The following TRAPPC9 variants were observed in gnomAD, a reference collection of about 807,000 sequenced individuals.
TRAPPC9 encodes IKK2 binding protein.
TRAPPC9 carries 83 observed loss-of-function variants against 124.0 expected under a neutral mutation model. The ratio of observed to expected loss-of-function variants is 0.67; its 90% CI spans 0.56 to 0.80. The LOEUF is 0.80. Among genes scored for constraint, TRAPPC9 ranks in the 30% least tolerant of loss-of-function variants. The pLI is 0.00. For missense variants in TRAPPC9, 1,302 were observed against 1,508.3 expected (o/e 0.86, Z 2.27); for synonymous variants, 638 against 617.5 (o/e 1.03, Z -0.49).
intron 17 of TRAPPC9, among the ~76,000 whole-genome samples, chr8:140,044,495 G>T (rs1363124353): frequency 6.6e-6 from 1 of 152,168 alleles, no homozygotes; most frequent in Non-Finnish European, 1.5e-5. Flanking sequence ...CATGCTAACA[G>T]ACAGCCATGA....
intron 17 of TRAPPC9, among the ~76,000 whole-genome samples, chr8:140,033,668 T>TTTTTTTTTTG (rs1840664467): frequency 4.2e-5 from 3 of 71,156 alleles, no homozygotes; most frequent in Non-Finnish European, 7.3e-5. Context: ...GTTTTTTTTT[T>TTTTTTTTTTG]TTTTTTTTTT....
chr8:140,281,837 G>A (rs1186466645), intron 14 of TRAPPC9, among the ~76,000 whole-genome samples: 4 of 152,012 alleles, frequency 2.6e-5, no homozygotes, highest in African/African-American at 4.8e-5. Context: ...GTTGAAGACC[G>A]CCCTGCCTGC....
At chr8:139,952,964 G>A (rs1834738187) in intron 19 of TRAPPC9, among the ~76,000 whole-genome samples, 1 of 152,212 alleles carries the variant, frequency 6.6e-6, no homozygotes, top group Non-Finnish European at 1.5e-5. Flanking sequence ...AGCAGAGCTG[G>A]ACTTGAATCC....
At chr8:140,292,527 TC>T (rs1437323315) in intron 11 of TRAPPC9, among the ~76,000 whole-genome samples, 4 of 152,324 alleles carry the variant, frequency 2.6e-5, no homozygotes, top group African/African-American at 4.8e-5. Flanking sequence ...ATACAGCTTT[TC>T]CCACACACTC....
At chr8:140,262,427 T>TAAGATCAGCTTATTTTGTCTC (rs2064450728) in intron 15 of TRAPPC9, among the ~76,000 whole-genome samples, 1 of 150,952 alleles carries the variant, frequency 6.6e-6, no homozygotes, top group African/African-American at 2.5e-5. Flanking sequence ...CACTTTGTCT[T>TAAGATCAGCTTATTTTGTCTC]AAGATCAGCT....
chr8:139,932,047 G>C (rs1012054025), intron 19 of TRAPPC9: 1 of 280,562 alleles, frequency 3.6e-6, no homozygotes, highest in African/African-American at 2.2e-5. Context: ...AGCATTACAA[G>C]AGCACCTAAG....
At chr8:139,846,957 G>T (rs75588865) in intron 21 of TRAPPC9, among the ~76,000 whole-genome samples, 2,283 of 152,346 alleles carry the variant, frequency 0.015, 54 homozygotes, top group African/African-American at 0.052. Context: ...AAGCTATCTG[G>T]TCCAGTCAAT....
intron 17 of TRAPPC9, among the ~76,000 whole-genome samples, chr8:140,213,857 T>C (rs2063125321): frequency 1.3e-5 from 2 of 152,316 alleles, no homozygotes; most frequent in African/African-American, 4.8e-5. Flanking sequence ...TACAGAGCAG[T>C]ATTGCACATG....
Position 140,157,699 on chromosome 8 carries a change from A to G in TRAPPC9, c.2556+63760T>C, listed in dbSNP as rs184055458. On this transcript the variant is annotated intron_variant, in intron 17 of 22. Transcript: ENST00000438773. The stretch of plus-strand genomic sequence containing the variant: ...AAATTCAGTAATCTTTCTTTAAAAA[A>G]AAAAAGGAGGGGGTTCTTTTTCTAA... Among the ~76,000 whole-genome samples, 46 of 152,364 alleles carry G rather than the reference A, an allele frequency of 3.0e-4. No individual in the cohort carries two copies. The East Asian group carries it at 8.9e-3, about 29-fold the overall frequency.
At chr8:139,991,675 T>C (rs1375231571) in intron 18 of TRAPPC9, among the ~76,000 whole-genome samples, 1 of 151,922 alleles carries the variant, frequency 6.6e-6, no homozygotes, top group Non-Finnish European at 1.5e-5. Context: ...GGCGAGTCTC[T>C]GAAGGGGACA....
intron 8 of TRAPPC9, among the ~76,000 whole-genome samples, chr8:140,368,152 G>A (rs1004939501): frequency 4.6e-5 from 7 of 151,654 alleles, no homozygotes; most frequent in Admixed American, 6.6e-5. Context: ...CATACTGTTG[G>A]TGGAGTTCAT....
chr8:140,396,014 T>C (rs1007395122), intron 7 of TRAPPC9, among the ~76,000 whole-genome samples: 5 of 152,144 alleles, frequency 3.3e-5, no homozygotes, highest in Admixed American at 3.3e-4. Context: ...CCCCAGTCCT[T>C]TGGGGAAGCT....
At chr8:140,405,256 C>A (rs980597390) in intron 6 of TRAPPC9, 4 of 259,070 alleles carry the variant, frequency 1.5e-5, no homozygotes, top group Non-Finnish European at 3.0e-5. Flanking sequence ...TAAGTATGCT[C>A]CATTTCTTAA....
At chr8:140,118,798 C>T (rs553194634) in intron 17 of TRAPPC9, among the ~76,000 whole-genome samples, 4 of 152,276 alleles carry the variant, frequency 2.6e-5, no homozygotes, top group Non-Finnish European at 5.9e-5. Context: ...AGCCACAGAG[C>T]AAGTGACAGC....
chr8:140,177,442 T>C (rs1048409812), intron 17 of TRAPPC9, among the ~76,000 whole-genome samples: 1 of 152,324 alleles, frequency 6.6e-6, no homozygotes, highest in Non-Finnish European at 1.5e-5. Flanking sequence ...CCAAAATCAA[T>C]TGACTATTTA....
chr8:140,271,842 C>T (rs1010701400), intron 15 of TRAPPC9, among the ~76,000 whole-genome samples: 6 of 152,158 alleles, frequency 3.9e-5, no homozygotes, highest in Non-Finnish European at 4.4e-5. Context: ...ATCTGATGCA[C>T]AAAACTTCAA....
At chr8:140,374,107 T>G (rs1033182497) in intron 7 of TRAPPC9, among the ~76,000 whole-genome samples, 1 of 152,238 alleles carries the variant, frequency 6.6e-6, no homozygotes, top group Non-Finnish European at 1.5e-5. Flanking sequence ...CACAAAGATA[T>G]CCTATGTTTT....
intron 21 of TRAPPC9, among the ~76,000 whole-genome samples, chr8:139,807,561 G>A (rs1177838314): frequency 6.6e-6 from 1 of 152,194 alleles, no homozygotes; most frequent in African/African-American, 2.4e-5. Context: ...GAACAGCACA[G>A]GAGCCGACAG....
At chr8:140,111,026 G>C (rs1170312772) in intron 17 of TRAPPC9, among the ~76,000 whole-genome samples, 1 of 143,286 alleles carries the variant, frequency 7.0e-6, no homozygotes, top group East Asian at 2.1e-4. Flanking sequence ...CTACCTGGAG[G>C]GTCCAAAGTC....
Sources: allele counts gnomAD v4.1 joint callset (sites outside exome capture counted in the v4.1 genomes callset), GRCh38; gene constraint gnomAD v4.1.1; transcripts MANE v1.5; gene names NCBI Gene and HGNC (gene_info 2026-07-23, HGNC 2026-07-21).